The following EYS variants were observed in gnomAD, a reference collection of about 807,000 sequenced individuals.
EYS encodes EGF-like photoreceptor maintenance factor.
EYS carries 250 observed loss-of-function variants against 282.1 expected under a neutral mutation model. The observed-to-expected ratio is 0.89, with a 90% confidence interval of 0.80 to 0.98. The LOEUF (loss-of-function observed/expected upper bound fraction) is 0.98, where lower values mean the gene tolerates loss of function less well. EYS is among the 50% of genes least tolerant of loss of function. The pLI is 0.00. For missense variants in EYS, 4,016 were observed against 3,709.0 expected, an observed-to-expected ratio of 1.08 and a Z score of -2.15; for synonymous variants, 1,355 against 1,282.9, an observed-to-expected ratio of 1.06 and a Z score of -1.20.
chr6:63,873,177 G>A (rs540293159), intron 35 of EYS, among the ~76,000 whole-genome samples: 10 of 129,702 alleles, frequency 7.7e-5, no homozygotes, highest in South Asian at 4.9e-4. Flanking sequence ...GACAGGACAC[G>A]GTGTGTGATG....
At chr6:63,977,275 G>T (rs1042489827) in intron 35 of EYS, among the ~76,000 whole-genome samples, 1 of 151,748 alleles carries the variant, frequency 6.6e-6, no homozygotes, top group Non-Finnish European at 1.5e-5. Flanking sequence ...CACTTCAAAC[G>T]TTTATAATTT....
At chr6:64,814,811 G>T (rs553416483) in intron 21 of EYS, among the ~76,000 whole-genome samples, 2 of 152,036 alleles carry the variant, frequency 1.3e-5, no homozygotes, top group South Asian at 4.1e-4. Context: ...TAGGTCTTGA[G>T]TTCTTACATT....
chr6:64,545,261 G>A (rs1185736300), intron 26 of EYS, among the ~76,000 whole-genome samples: 2 of 152,016 alleles, frequency 1.3e-5, no homozygotes, highest in East Asian at 1.9e-4. Flanking sequence ...CAGAACCAAC[G>A]ACAAAAACCA....
chr6:65,003,618 C>A (rs1771539040), intron 13 of EYS, among the ~76,000 whole-genome samples: 1 of 147,170 alleles, frequency 6.8e-6, no homozygotes, highest in Non-Finnish European at 1.5e-5. Context: ...TCTTGTGGGG[C>A]ATCACAGAAC....
chr6:63,752,645 A>G (rs1337787788), intron 41 of EYS, among the ~76,000 whole-genome samples: 1 of 151,316 alleles, frequency 6.6e-6, no homozygotes, highest in Admixed American at 6.6e-5. Flanking sequence ...GGCACCCACC[A>G]CCATGCCTGG....
chr6:65,376,372 G>A (rs1340027429), intron 8 of EYS, among the ~76,000 whole-genome samples: 2 of 152,122 alleles, frequency 1.3e-5, no homozygotes, highest in African/African-American at 4.8e-5. Flanking sequence ...AACTCCTGAA[G>A]GGAGTACTAA....
At chr6:64,317,384 A>G (rs1163097203) in intron 29 of EYS, among the ~76,000 whole-genome samples, 1 of 150,536 alleles carries the variant, frequency 6.6e-6, no homozygotes, top group Non-Finnish European at 1.5e-5. Context: ...TGAACAGACA[A>G]TTCTCCAAAG....
At chr6:65,253,483 A>C (rs1369949225) in intron 12 of EYS, among the ~76,000 whole-genome samples, 1 of 151,916 alleles carries the variant, frequency 6.6e-6, no homozygotes, top group African/African-American at 2.4e-5. Context: ...ACCTAGCAGA[A>C]AAATATTAAC....
At chr6:64,165,760 A>T (rs1764269302) in intron 31 of EYS, among the ~76,000 whole-genome samples, 1 of 152,212 alleles carries the variant, frequency 6.6e-6, no homozygotes, top group Non-Finnish European at 1.5e-5. Flanking sequence ...GGACTTCCAT[A>T]AGGCTTTTTC....
At chr6:65,663,331 TTG>T (rs1431126743) in intron 1 of EYS, among the ~76,000 whole-genome samples, 10 of 152,014 alleles carry the variant, frequency 6.6e-5, no homozygotes, top group African/African-American at 2.4e-4. Flanking sequence ...CTTAGAAAGA[TTG>T]TTAGAGCCAT....
intron 41 of EYS, among the ~76,000 whole-genome samples, chr6:63,736,969 A>G (rs1264898890): frequency 6.6e-6 from 1 of 152,168 alleles, no homozygotes; most frequent in Non-Finnish European, 1.5e-5. Context: ...GTTGCTTATC[A>G]GCTTAAGGAG....
At chr6:64,547,724 T>C (rs1251075289) in intron 26 of EYS, among the ~76,000 whole-genome samples, 3 of 152,194 alleles carry the variant, frequency 2.0e-5, no homozygotes, top group Non-Finnish European at 4.4e-5. Flanking sequence ...CCATGCACCC[T>C]CACTCCTCAG....
intron 14 of EYS, among the ~76,000 whole-genome samples, chr6:64,982,565 G>GTGT (rs1205648967): frequency 2.0e-5 from 3 of 151,218 alleles, no homozygotes; most frequent in African/African-American, 7.3e-5. Context: ...AGTTTGAAAA[G>GTGT]TGTTGGCAGA....
rs559880561 is a variant in EYS at position 64,439,322 on chromosome 6, G to A, written c.5675C>T (p.Ser1892Phe). 23 of 1,513,100 alleles carry A rather than the reference G, an allele frequency of 1.5e-5. No homozygotes were observed. The highest frequency in any genetic ancestry group is 4.2e-5 in the African/African-American group (3 of 70,592). 93.7% of individuals were successfully genotyped at this position (1,513,100 alleles called of 1,614,324 possible). A position where few individuals can be genotyped will look rare whatever the true frequency, so the allele number is the denominator to read the frequency against. The change falls in exon 27 of 43, where the codon TCT (serine) becomes TTT (phenylalanine). Residue 1892 changes from serine to phenylalanine, a missense_variant. By Grantham distance (155) the Ser-to-Phe change is radical (BLOSUM62 -2). Transcript: ENST00000503581. ...AGCCACATTCTGAAATTCTAGATAA[G>A]AATCTCCATAATAACGAACACAACT... ...DFSCVRYYGD[S>F]YLEFQNVALN...
chr6:65,550,168 T>C lies in EYS; in HGVS notation c.-332-54175A>G, dbSNP rs1373495533. On this transcript the variant is annotated intron_variant, in intron 2 of 42. Coordinates refer to ENST00000503581, the MANE Select transcript of EYS (RefSeq NM_001142800.2). ...CTTTTTTTTTTTTTTTTTTTTTTTT[T>C]TTTTTTTTTTTTTTTTTGGGGATAA... Among the ~76,000 whole-genome samples the C allele has an allele frequency of 2.1e-4, 2 of 9,374 alleles. 1 individual carries two copies. Among genetic ancestry groups the C allele is most frequent in the Non-Finnish European group, 2.9e-4 (2 of 6,982 alleles). The allele number at this position is 9,374 out of a possible 152,430, so 6.1% of individuals were successfully genotyped here.
At chr6:65,468,797 A>C (rs1765102092) in intron 5 of EYS, among the ~76,000 whole-genome samples, 2 of 152,050 alleles carry the variant, frequency 1.3e-5, no homozygotes, top group Admixed American at 1.3e-4. Flanking sequence ...TTTCAAGAAA[A>C]ACCAAAACTG....
At position 65,118,770 on chromosome 6, in the gene EYS, C is replaced by T. The variant is rs113501329; in HGVS notation, c.2024-61043G>A. Among the ~76,000 whole-genome samples, 720 of 151,898 alleles carry T rather than the reference C, an allele frequency of 4.7e-3. 4 individuals carry two copies. Among genetic ancestry groups the T allele is most frequent in the African/African-American group, 0.015 (625 of 41,446 alleles). On this transcript the variant is annotated intron_variant, in intron 12 of 42. Coordinates refer to ENST00000503581, the MANE Select transcript of EYS (RefSeq NM_001142800.2). ...TCTATAATTTAATGGGACTACCATG[C>T]CTGCTTTGTGACAAATGGATCACTA... is the stretch of plus-strand genomic sequence containing the variant.
intron 29 of EYS, among the ~76,000 whole-genome samples, chr6:64,372,759 T>C (rs981958912): frequency 6.6e-6 from 1 of 152,202 alleles, no homozygotes; most frequent in Non-Finnish European, 1.5e-5. Flanking sequence ...TTTTCCTTTA[T>C]TTTTGTCTGA....
At chr6:64,500,116 C>T (rs1293743852) in intron 26 of EYS, among the ~76,000 whole-genome samples, 1 of 151,994 alleles carries the variant, frequency 6.6e-6, no homozygotes, top group Non-Finnish European at 1.5e-5. Flanking sequence ...GAACTGTTAG[C>T]TAAATGTAAT....
Sources: gnomAD v4.1 joint callset for allele counts (sites outside exome capture counted in the v4.1 genomes callset) on GRCh38, gnomAD v4.1.1 for gene constraint, MANE v1.5 for transcripts, NCBI Gene and HGNC (gene_info 2026-07-23, HGNC 2026-07-21) for gene names.